The following DCUN1D4 variants were observed in gnomAD, a reference collection of about 807,000 sequenced individuals.
DCUN1D4 encodes the protein DCN1-like protein 4.
In DCUN1D4, 22 loss-of-function variants were observed where a neutral mutation model predicts 47.9. The observed-to-expected ratio is 0.46, with a 90% CI of 0.33 to 0.66. The LOEUF is 0.66. DCUN1D4 is among the 30% of genes least tolerant of loss of function. The pLI, the probability that DCUN1D4 is intolerant of heterozygous loss-of-function variation, is 0.02. For missense variants in DCUN1D4, 301 were observed against 340.8 expected, an observed-to-expected ratio of 0.88 and a Z score of 0.92; for synonymous variants, 121 against 112.2, an observed-to-expected ratio of 1.08 and a Z score of -0.50.
At chr4:51,886,479 T>C (rs1171096453) in intron 5 of DCUN1D4, 89 bp from the exon 6 acceptor site, 1 of 1,130,594 alleles carries the variant, frequency 8.8e-7, no homozygotes, top group East Asian at 2.5e-5. Flanking sequence ...GGCCTTTAAG[T>C]CTTACTTGTT....
chr4:51,835,143 A>C, the DCUN1D4 span, among the ~76,000 whole-genome samples: 1 of 152,216 alleles, frequency 6.6e-6, no homozygotes, highest in Non-Finnish European at 1.5e-5. Context: ...CGGGTGGGCA[A>C]GCAGCCCTCT....
chr4:51,896,981 G>A (rs554940421), intron 7 of DCUN1D4, among the ~76,000 whole-genome samples: 14 of 152,178 alleles, frequency 9.2e-5, no homozygotes, highest in African/African-American at 2.6e-4. Context: ...CCACTCCAGC[G>A]ACAGTGGCTG....
At chr4:51,909,174 C>T (rs1055817795) in intron 8 of DCUN1D4, among the ~76,000 whole-genome samples, 1 of 151,894 alleles carries the variant, frequency 6.6e-6, no homozygotes, top group African/African-American at 2.4e-5. Context: ...TCCATTGTGA[C>T]GGGGACATAG....
At chr4:51,834,086 CT>C in the DCUN1D4 span, among the ~76,000 whole-genome samples, 56 of 47,006 alleles carry the variant, frequency 1.2e-3, no homozygotes, top group African/African-American at 6.8e-3. Flanking sequence ...CTCTCTCTCT[CT>C]TTTCTTTTCT....
Position 51,894,182 on chromosome 4 carries a change from C to T in DCUN1D4, c.506+2331C>T, listed in dbSNP as rs184462419. On this transcript the variant is annotated intron_variant, in intron 7 of 10. Transcript: ENST00000334635. ...ATCCACTGTAAAGGCATGGAGGAAC[C>T]GCTTGCTTTTTGTGGTATGAAACTC... 1.6e-4 allele frequency among the ~76,000 whole-genome samples: 24 copies of T among 152,222 alleles called. No individual in the cohort carries two copies. In the East Asian group the frequency reaches 2.5e-3, roughly 16 times the overall value.
intron 8 of DCUN1D4, 86 bp from the exon 9 acceptor site, chr4:51,910,984 C>A: frequency 7.7e-7 from 1 of 1,304,418 alleles, no homozygotes; most frequent in Non-Finnish European, 1.1e-6. Flanking sequence ...TTACTAATTT[C>A]CTGTTGAAGT....
intron 1 of DCUN1D4, among the ~76,000 whole-genome samples, chr4:51,846,724 C>T (rs1012718276): frequency 2.0e-5 from 3 of 152,134 alleles, no homozygotes; most frequent in Non-Finnish European, 4.4e-5. Context: ...AATAATAGGG[C>T]TTATTATTGT....
chr4:51,888,933 A>T (rs145196754), intron 6 of DCUN1D4, among the ~76,000 whole-genome samples: 6 of 152,148 alleles, frequency 3.9e-5, no homozygotes, highest in Non-Finnish European at 8.8e-5. Context: ...AACATGGTGA[A>T]ACCCCATCTT....
intron 1 of DCUN1D4, among the ~76,000 whole-genome samples, chr4:51,854,359 T>C (rs1457619775): frequency 6.6e-6 from 1 of 152,226 alleles, no homozygotes; most frequent in Non-Finnish European, 1.5e-5. Flanking sequence ...TCTTTTTTAC[T>C]TAAAATTGTA....
At chr4:51,895,319 TTAAAC>T (rs1731072621) in intron 7 of DCUN1D4, among the ~76,000 whole-genome samples, 1 of 152,110 alleles carries the variant, frequency 6.6e-6, no homozygotes, top group Non-Finnish European at 1.5e-5. Context: ...GGTAGCATCC[TTAAAC>T]TAGGGTGGTG....
At chr4:51,880,981 A>G (rs1728510602) in intron 5 of DCUN1D4, among the ~76,000 whole-genome samples, 1 of 152,138 alleles carries the variant, frequency 6.6e-6, no homozygotes, top group Non-Finnish European at 1.5e-5. Context: ...ACAAAAAATT[A>G]GCCAGGCGTG....
chr4:51,913,623 A>C lies in DCUN1D4; in HGVS notation c.*39A>C. On this transcript the variant is annotated 3_prime_UTR_variant, in exon 11 of 11. Coordinates refer to ENST00000334635, the MANE Select transcript of DCUN1D4 (RefSeq NM_001040402.3). ...GCAGCGAGAGAGTCACTGTTACCAC[A>C]GTTTTGTCACCCATTAGCCATAAAT... The C allele has an allele frequency of 6.3e-7, 1 of 1,586,400 alleles. No individual in the cohort carries two copies. Among genetic ancestry groups the C allele is most frequent in the South Asian group, 1.1e-5 (1 of 89,266 alleles).
chr4:51,910,126 C>T (rs1450321988), intron 8 of DCUN1D4, among the ~76,000 whole-genome samples: 1 of 152,162 alleles, frequency 6.6e-6, no homozygotes, highest in East Asian at 1.9e-4. Flanking sequence ...TAAAAAACTA[C>T]TTTTACAAAT....
chr4:51,869,123 C>CAAG (rs746479594), intron 3 of DCUN1D4, among the ~76,000 whole-genome samples: 1 of 38,588 alleles, frequency 2.6e-5, no homozygotes, highest in African/African-American at 9.1e-5. Context: ...GACTCCATCT[C>CAAG]AAAAAAAAAA....
At chr4:51,887,584 A>G (rs1048923658) in intron 6 of DCUN1D4, among the ~76,000 whole-genome samples, 12 of 152,310 alleles carry the variant, frequency 7.9e-5, no homozygotes, top group Admixed American at 5.9e-4. Context: ...CTCATTAACT[A>G]TGCAGTTTGA....
chr4:51,910,965 A>G, intron 8 of DCUN1D4, 105 bp from the exon 9 acceptor site: 1 of 1,129,028 alleles, frequency 8.9e-7, no homozygotes, highest in Non-Finnish European at 1.3e-6. Context: ...TGTATGATAA[A>G]TGAGCTGTTT....
At chr4:51,867,634 C>G (rs1726169871) in intron 3 of DCUN1D4, among the ~76,000 whole-genome samples, 1 of 152,140 alleles carries the variant, frequency 6.6e-6, no homozygotes, top group Non-Finnish European at 1.5e-5. Flanking sequence ...TTGTCCTGTC[C>G]TCTGCCTGAG....
intron 1 of DCUN1D4, among the ~76,000 whole-genome samples, chr4:51,855,015 A>G (rs1723908588): frequency 6.6e-6 from 1 of 152,222 alleles, no homozygotes. Context: ...ATTTCTGATA[A>G]GGGATACTCC....
At chr4:51,849,234 T>G (rs534733624) in intron 1 of DCUN1D4, among the ~76,000 whole-genome samples, 1 of 152,006 alleles carries the variant, frequency 6.6e-6, no homozygotes, top group East Asian at 1.9e-4. Flanking sequence ...GAAAGAAGAG[T>G]AGCCCATGTG....
Sources: gnomAD v4.1 joint callset for allele counts (sites outside exome capture counted in the v4.1 genomes callset) on GRCh38, gnomAD v4.1.1 for gene constraint, MANE v1.5 for transcripts, NCBI Gene and HGNC (gene_info 2026-07-23, HGNC 2026-07-21) for gene names.